Variants in ANHX observed in about 807,000 individuals in gnomAD.
ANHX encodes the protein anomalous homeobox.
In ANHX, 20 loss-of-function variants were observed where a neutral mutation model predicts 38.9. That is an observed-to-expected ratio of 0.51 (90% confidence interval 0.36 to 0.75). ANHX has a LOEUF of 0.75. Ranked by LOEUF, ANHX falls within the 30% of genes least tolerant of loss-of-function variation. ANHX has a pLI of 0.00. For missense variants in ANHX, 475 were observed against 493.1 expected (o/e 0.96, Z 0.35); for synonymous variants, 185 against 203.1 (o/e 0.91, Z 0.76).
At chr12:133,222,723 A>G (rs1957127536) in intron 7 of ANHX, among the ~76,000 whole-genome samples, 2 of 152,214 alleles carry the variant, frequency 1.3e-5, no homozygotes, top group Admixed American at 1.3e-4. Context: ...TGCATCAAGG[A>G]AGGGCCAGAA....
Position 133,218,787 on chromosome 12 carries a change from T to G in ANHX, c.*98A>C. ...CCCAGGGGAACTCTGGGGACCTTCATTTTGTATTCAGGATAAAGCTCTGTA... is the reference window on the plus strand; with the variant it reads ...CCCAGGGGAACTCTGGGGACCTTCAGTTTGTATTCAGGATAAAGCTCTGTA... On this transcript the variant is annotated 3_prime_UTR_variant, in exon 10 of 10. Transcript: ENST00000545940. The G allele has an allele frequency of 2.2e-6, 2 of 893,406 alleles. No homozygotes were observed. The highest frequency in any genetic ancestry group is 6.2e-5 in the South Asian group (2 of 32,080). The allele number at this position is 893,406 out of a possible 1,614,324, so 55.3% of individuals were successfully genotyped here. A position where few individuals can be genotyped will look rare whatever the true frequency, so the allele number is the denominator to read the frequency against.
At chr12:133,228,032 T>G in intron 3 of ANHX, 85 bp from the exon 4 acceptor site, 1 of 1,461,498 alleles carries the variant, frequency 6.8e-7, no homozygotes, top group Non-Finnish European at 9.2e-7. Context: ...CTGCAGAAGG[T>G]GACACTTCCT....
rs1332523490 is a variant in ANHX, at chr12:133,221,067, G to T, written c.1280+138C>A. Reference sequence around the variant, plus strand: ...TTCTTCATAGGTGTAGGCTTGTGGGGACTGTTACAGTTTTCAGCAATCCAA... The same window carrying T: ...TTCTTCATAGGTGTAGGCTTGTGGGTACTGTTACAGTTTTCAGCAATCCAA... On this transcript the variant is annotated intron_variant, in intron 8 of 9. Transcript: ENST00000545940. This position sits in a 1 kb window ranked among gnomAD's most constrained non-coding sequence, Gnocchi z 4.1. 1 of 1,160,098 alleles carries T rather than the reference G, an allele frequency of 8.6e-7. No homozygotes were observed. The highest frequency in any genetic ancestry group is 1.2e-6 in the Non-Finnish European group (1 of 854,690). 71.9% of individuals were successfully genotyped at this position (1,160,098 alleles called of 1,614,324 possible).
Position 133,221,419 on chromosome 12 carries a change from C to G in ANHX, c.1133-67G>C. On this transcript the variant is annotated intron_variant, in intron 7 of 9. Coordinates refer to ENST00000545940, the MANE Select transcript of ANHX (RefSeq NM_001372060.1). This position sits in a 1 kb window ranked among gnomAD's most constrained non-coding sequence, Gnocchi z 4.1. ...GAGCAGAGCCCACGTGTGACACAAC[C>G]AAGACCTCAAAGCACGGAGGCGGAT... The G allele has an allele frequency of 6.8e-7, 1 of 1,474,190 alleles. No homozygotes were observed. Among genetic ancestry groups the G allele is most frequent in the South Asian group, 1.3e-5 (1 of 75,234 alleles). 91.3% of individuals were successfully genotyped at this position (1,474,190 alleles called of 1,614,324 possible).
intron 3 of ANHX, 26 bp downstream of exon 3, chr12:133,231,491 T>A: frequency 6.5e-7 from 1 of 1,535,998 alleles, no homozygotes. Context: ...CCATGAAATA[T>A]GCACAAGTAA....
intron 6 of ANHX, among the ~76,000 whole-genome samples, 194 bp downstream of exon 6, chr12:133,226,124 T>C (rs1441885180): frequency 6.6e-6 from 1 of 152,110 alleles, no homozygotes; most frequent in East Asian, 1.9e-4. Context: ...CACGTGTGGG[T>C]TCAGAAGAAG....
intron 6 of ANHX, 60 bp downstream of exon 6, chr12:133,226,258 C>A: frequency 1.3e-6 from 2 of 1,535,774 alleles, no homozygotes; most frequent in East Asian, 2.4e-5. Context: ...TAGTCTCCAC[C>A]TGAGGAGGAA....
intron 2 of ANHX, 28 bp downstream of exon 2, chr12:133,234,080 G>A (rs773824539): frequency 1.2e-5 from 19 of 1,532,628 alleles, no homozygotes; most frequent in Non-Finnish European, 1.7e-5. Context: ...ACCTCTCTCT[G>A]TACCCTACCC....
rs1226306244 is a variant in ANHX at position 133,225,665 on chromosome 12, C to G, written c.1003G>C (p.Ala335Pro). Among the ~76,000 whole-genome samples, 1 of 152,204 alleles carries G rather than the reference C, an allele frequency of 6.6e-6. No individual in the cohort carries two copies. The highest frequency in any genetic ancestry group is 2.4e-5 in the African/African-American group (1 of 41,462). Residue 335 changes from alanine (A) to proline (P), a missense_variant, in exon 7 of 10, where the codon GCG (alanine) becomes CCG (proline). Coordinates refer to ENST00000545940, the MANE Select transcript of ANHX (RefSeq NM_001372060.1). The part of the protein sequence containing the change: ...PESWLMSLAL[A>P]SSKEVSFQTG... ...TGGAAGGAAACTTCCTTGGAGGACGCCAGTGCAAGAGACATCAGCCAAGAT... is the reference window on the plus strand; with the variant it reads ...TGGAAGGAAACTTCCTTGGAGGACGGCAGTGCAAGAGACATCAGCCAAGAT...
At chr12:133,231,697 T>C in intron 2 of ANHX, 53 bp from the exon 3 acceptor site, 2 of 1,529,950 alleles carry the variant, frequency 1.3e-6, no homozygotes, top group Admixed American at 2.0e-5. Context: ...TGGAGCACTG[T>C]TGGGACCTGC....
chr12:133,227,342 T>C (rs1439890330), intron 4 of ANHX, among the ~76,000 whole-genome samples, 190 bp from the exon 5 acceptor site: 1 of 152,150 alleles, frequency 6.6e-6, no homozygotes, highest in African/African-American at 2.4e-5. Context: ...CTGATCCCCA[T>C]CCCCTGAGCA....
At position 133,219,384 on chromosome 12, in the gene ANHX, G is replaced by C. The variant is rs1317044324; in HGVS notation, c.1281-17C>G. ...TCTGGAGGGCTGGAAAAGAGACAGT[G>C]TAAGAATAGGCCCTATCTCAAGGGG... On this transcript the variant is annotated splice_polypyrimidine_tract_variant and intron_variant, in intron 8 of 9. Coordinates refer to ENST00000545940, the MANE Select transcript of ANHX (RefSeq NM_001372060.1). The C allele has an allele frequency of 6.7e-7, 1 of 1,496,160 alleles. No individual in the cohort carries two copies. Among genetic ancestry groups the C allele is most frequent in the Non-Finnish European group, 8.9e-7 (1 of 1,122,320 alleles). 92.7% of individuals were successfully genotyped at this position (1,496,160 alleles called of 1,614,324 possible).
At position 133,234,370 on chromosome 12, in the gene ANHX, G is replaced by A. The variant is rs1428550609; in HGVS notation, c.-14C>T. Reference sequence around the variant, plus strand: ...GAAGCTCTGCATCCTGTGCTGGGTCGTGGCCACTCTGCCAACACAAACAGT... The same window carrying A: ...GAAGCTCTGCATCCTGTGCTGGGTCATGGCCACTCTGCCAACACAAACAGT... On this transcript the variant is annotated 5_prime_UTR_variant, in exon 2 of 10. It adds an upstream start codon to the 5' untranslated region. Coordinates refer to ENST00000545940, the MANE Select transcript of ANHX (RefSeq NM_001372060.1). 2 of 1,527,512 alleles carry A rather than the reference G, an allele frequency of 1.3e-6. No individual in the cohort carries two copies. Among genetic ancestry groups the A allele is most frequent in the African/African-American group, 1.4e-5 (1 of 73,004 alleles). The allele number at this position is 1,527,512 out of a possible 1,614,324, so 94.6% of individuals were successfully genotyped here.
Position 133,227,857 on chromosome 12 carries a change from C to G in ANHX, c.468G>C (p.Val156=). Residue 156 remains valine (V), a synonymous_variant, in exon 4 of 10, where the codon GTG becomes GTC. Transcript: ENST00000545940. ...EVREKLHNFA[V]GVNTNPSKAE... ...CCTTGCTGGGGTTGGTGTTCACCCC[C>G]ACAGCGAAATTGTGCAGCTTCTCAC... is the stretch of plus-strand genomic sequence containing the variant. The G allele has an allele frequency of 6.5e-7, 1 of 1,535,092 alleles. No individual in the cohort carries two copies. Among genetic ancestry groups the G allele is most frequent in the Non-Finnish European group, 8.7e-7 (1 of 1,146,650 alleles).
chr12:133,234,500 G>A (rs2063132013), intron 1 of ANHX, 122 bp from the exon 2 acceptor site: 3 of 1,136,666 alleles, frequency 2.6e-6, no homozygotes, highest in Middle Eastern at 2.1e-4. Context: ...CACTTGTAGA[G>A]TAGGAATAAG....
chr12:133,221,061 T>C lies in ANHX; in HGVS notation c.1280+144A>G. 8.9e-7 allele frequency: 1 copy of C among 1,119,570 alleles called. No homozygotes were observed. 69.4% of individuals were successfully genotyped at this position (1,119,570 alleles called of 1,614,324 possible). Reference sequence around the variant, plus strand: ...ACCCTTTTCTTCATAGGTGTAGGCTTGTGGGGACTGTTACAGTTTTCAGCA... The same window carrying C: ...ACCCTTTTCTTCATAGGTGTAGGCTCGTGGGGACTGTTACAGTTTTCAGCA... On this transcript the variant is annotated intron_variant, in intron 8 of 9. Coordinates refer to ENST00000545940, the MANE Select transcript of ANHX (RefSeq NM_001372060.1). The surrounding 1 kb of genome is among the most constrained non-coding windows in gnomAD (Gnocchi z 4.1).
intron 3 of ANHX, among the ~76,000 whole-genome samples, chr12:133,230,141 T>C (rs1957248725): frequency 6.6e-6 from 1 of 152,348 alleles, no homozygotes; most frequent in African/African-American, 2.4e-5. Context: ...CTGTTGACTA[T>C]TGTCCACATC....
intron 1 of ANHX, 60 bp from the exon 2 acceptor site, chr12:133,234,438 A>G (rs941841917): frequency 6.8e-7 from 1 of 1,477,514 alleles, no homozygotes; most frequent in South Asian, 1.3e-5. Context: ...CTGTCAGTCA[A>G]TCGCCCAACC....
Position 133,218,625 on chromosome 12 carries a change from C to T in ANHX, c.*260G>A. 3.1e-6 allele frequency: 1 copy of T among 322,616 alleles called. No homozygotes were observed. Among genetic ancestry groups the T allele is most frequent in the Non-Finnish European group, 5.7e-6 (1 of 176,424 alleles). The allele number at this position is 322,616 out of a possible 1,614,324, so 20.0% of individuals were successfully genotyped here. A position where few individuals can be genotyped will look rare whatever the true frequency, so the allele number is the denominator to read the frequency against. On this transcript the variant is annotated 3_prime_UTR_variant, in exon 10 of 10. Transcript: ENST00000545940. ...GCCCCGGAGCCCGACTGATCCAGTG[C>T]TGCGTGAGTGGGACAGACCCACCTT... is the stretch of plus-strand genomic sequence containing the variant.
Sources: gnomAD v4.1 joint callset for allele counts (sites outside exome capture counted in the v4.1 genomes callset) on GRCh38, gnomAD v4.1.1 for gene constraint, Gnocchi (gnomAD v3.1) non-coding constraint, MANE v1.5 for transcripts, NCBI Gene and HGNC (gene_info 2026-07-23, HGNC 2026-07-21) for gene names.